The following LRP1B variants were observed in gnomAD, a reference collection of about 807,000 sequenced individuals.
The protein encoded by LRP1B is low-density lipoprotein receptor-related protein 1B.
Under a neutral mutation model 556.6 loss-of-function variants are expected in LRP1B, and 217 were observed. That is an observed-to-expected ratio of 0.39 (90% CI 0.35 to 0.44). The LOEUF (loss-of-function observed/expected upper bound fraction) is 0.44, where lower values mean the gene tolerates loss of function less well. Among genes scored for constraint, LRP1B ranks in the 20% least tolerant of loss-of-function variants. The pLI is 1.00. For synonymous variants in LRP1B, 2,047 were observed against 1,865.8 expected, an observed-to-expected ratio of 1.10 and a Z score of -2.50; for missense variants, 5,053 against 5,620.8, an observed-to-expected ratio of 0.90 and a Z score of 3.23.
At chr2:141,898,956 C>T (rs1057120398) in intron 1 of LRP1B, among the ~76,000 whole-genome samples, 1 of 152,096 alleles carries the variant, frequency 6.6e-6, no homozygotes, top group East Asian at 1.9e-4. Flanking sequence ...ACCCACTGTC[C>T]GACTGCATTA....
At chr2:141,662,972 A>G (rs911585583) in intron 2 of LRP1B, among the ~76,000 whole-genome samples, 2 of 152,038 alleles carry the variant, frequency 1.3e-5, no homozygotes, top group African/African-American at 2.4e-5. Context: ...ATAAAAAAAA[A>G]GAAATAATAA....
intron 43 of LRP1B, among the ~76,000 whole-genome samples, chr2:140,583,899 G>A (rs1681880241): frequency 6.6e-6 from 1 of 152,114 alleles, no homozygotes; most frequent in Admixed American, 6.5e-5. Flanking sequence ...TCAAAGCACT[G>A]TATAACTTAA....
intron 2 of LRP1B, among the ~76,000 whole-genome samples, chr2:141,802,145 CTCAG>C (rs752289950): frequency 7.2e-5 from 11 of 152,092 alleles, no homozygotes; most frequent in Non-Finnish European, 1.3e-4. Flanking sequence ...CTGTTGGCAA[CTCAG>C]TCAGAGGTGT....
Position 140,743,895 on chromosome 2 carries a change from A to C in LRP1B, c.5758+25318T>G, listed in dbSNP as rs568311849. Among the ~76,000 whole-genome samples, 98 of 126,056 alleles carry C rather than the reference A, an allele frequency of 7.8e-4. 1 individual carries two copies. The highest frequency in any genetic ancestry group is 1.4e-3 in the Non-Finnish European group (87 of 63,108). The allele number at this position is 126,056 out of a possible 152,430, so 82.7% of individuals were successfully genotyped here. A position where few individuals can be genotyped will look rare whatever the true frequency, so the allele number is the denominator to read the frequency against. Reference sequence around the variant, plus strand: ...GGTAGTAGAATCACTTGAACCCAGGAGGGGGATGTTGCAGTGAGCCGAGAT... The same window carrying C: ...GGTAGTAGAATCACTTGAACCCAGGCGGGGGATGTTGCAGTGAGCCGAGAT... On this transcript the variant is annotated intron_variant, in intron 35 of 90. Transcript: ENST00000389484.
chr2:141,083,176 C>A (rs1291492796), intron 7 of LRP1B, among the ~76,000 whole-genome samples: 2 of 152,122 alleles, frequency 1.3e-5, no homozygotes, highest in African/African-American at 4.8e-5. Flanking sequence ...ATGAATCTTT[C>A]ATCTATTTAA....
chr2:141,839,590 G>A (rs1244325686), intron 1 of LRP1B, among the ~76,000 whole-genome samples: 1 of 152,160 alleles, frequency 6.6e-6, no homozygotes, highest in East Asian at 1.9e-4. Context: ...CTGTAACAGT[G>A]GTTAGGCTTA....
intron 3 of LRP1B, among the ~76,000 whole-genome samples, chr2:141,393,711 A>G (rs1404553719): frequency 6.6e-6 from 1 of 152,142 alleles, no homozygotes; most frequent in East Asian, 1.9e-4. Context: ...AGTTTGGAAG[A>G]CAAGTTGTAC....
intron 5 of LRP1B, among the ~76,000 whole-genome samples, chr2:141,238,637 T>C (rs986247028): frequency 6.6e-6 from 1 of 152,140 alleles, no homozygotes; most frequent in Non-Finnish European, 1.5e-5. Flanking sequence ...ATATGAATAT[T>C]GTTTGGCAGT....
intron 35 of LRP1B, among the ~76,000 whole-genome samples, chr2:140,743,708 T>C (rs895799396): frequency 6.6e-6 from 1 of 151,892 alleles, no homozygotes; most frequent in Non-Finnish European, 1.5e-5. Context: ...GCCTGTAATC[T>C]CAGCACTTTG....
chr2:141,935,798 C>T (rs1216100717), intron 1 of LRP1B, among the ~76,000 whole-genome samples: 1 of 152,074 alleles, frequency 6.6e-6, no homozygotes, highest in Non-Finnish European at 1.5e-5. Flanking sequence ...TAATCATAGA[C>T]AAAATAAACT....
intron 1 of LRP1B, among the ~76,000 whole-genome samples, chr2:142,031,330 A>AT (rs560363480): frequency 0.3 from 35,596 of 116,966 alleles, 6,624 homozygotes; most frequent in Middle Eastern, 0.42. Flanking sequence ...GATTATACTT[A>AT]TTTTTTTTTT....
At chr2:141,749,535 T>C (rs1247429664) in intron 2 of LRP1B, among the ~76,000 whole-genome samples, 2 of 152,096 alleles carry the variant, frequency 1.3e-5, no homozygotes, top group African/African-American at 4.8e-5. Flanking sequence ...AAACCTAAAC[T>C]TGAATGATAC....
chr2:141,161,382 C>A (rs557733191), intron 7 of LRP1B, among the ~76,000 whole-genome samples: 1 of 152,206 alleles, frequency 6.6e-6, no homozygotes, highest in African/African-American at 2.4e-5. Flanking sequence ...TCTTCAATTT[C>A]TTGCACAATT....
intron 1 of LRP1B, among the ~76,000 whole-genome samples, chr2:141,858,069 A>T (rs2105783983): frequency 6.6e-6 from 1 of 152,280 alleles, no homozygotes; most frequent in Non-Finnish European, 1.5e-5. Context: ...ACCCTAATTC[A>T]AACCCTCCAA....
At chr2:141,190,141 T>G (rs1300713810) in intron 6 of LRP1B, among the ~76,000 whole-genome samples, 1 of 151,860 alleles carries the variant, frequency 6.6e-6, no homozygotes. Flanking sequence ...CCCCTCAACC[T>G]CCTATAACCT....
intron 32 of LRP1B, among the ~76,000 whole-genome samples, chr2:140,809,474 C>T (rs1424793340): frequency 1.3e-5 from 2 of 152,230 alleles, no homozygotes; most frequent in South Asian, 4.1e-4. Flanking sequence ...TCAGATATTG[C>T]AGCCTAGACT....
At chr2:141,292,006 C>G (rs999031769) in intron 3 of LRP1B, among the ~76,000 whole-genome samples, 1 of 152,062 alleles carries the variant, frequency 6.6e-6, no homozygotes, top group African/African-American at 2.4e-5. Context: ...GAACTACTAC[C>G]AGTCCGTGGC....
intron 18 of LRP1B, among the ~76,000 whole-genome samples, chr2:140,958,196 A>C (rs1486456886): frequency 1.3e-5 from 2 of 151,628 alleles, no homozygotes; most frequent in African/African-American, 4.8e-5. Context: ...CCTAACAAAC[A>C]ACAGGATTAG....
At chr2:142,039,065 C>T (rs990672752) in intron 1 of LRP1B, among the ~76,000 whole-genome samples, 1 of 151,514 alleles carries the variant, frequency 6.6e-6, no homozygotes, top group Non-Finnish European at 1.5e-5. Flanking sequence ...CTGAAGACTT[C>T]CATGCACCAA....
Sources: allele counts gnomAD v4.1 joint callset (sites outside exome capture counted in the v4.1 genomes callset), GRCh38; gene constraint gnomAD v4.1.1; transcripts MANE v1.5; gene names NCBI Gene and HGNC (gene_info 2026-07-23, HGNC 2026-07-21).